Variants in WDFY4 observed in about 807,000 individuals in gnomAD.
WDFY4 encodes WDFY family member 4.
Under a neutral mutation model 351.9 loss-of-function variants are expected in WDFY4, and 169 were observed. The ratio of observed to expected loss-of-function variants is 0.48; its 90% confidence interval spans 0.42 to 0.55. The LOEUF (loss-of-function observed/expected upper bound fraction) is 0.55, where lower values mean the gene tolerates loss of function less well. Ranked by LOEUF, WDFY4 falls within the 20% of genes least tolerant of loss-of-function variation. The probability of loss-of-function intolerance (pLI) is 0.00; values close to 1 mark genes in which losing one functional copy is unlikely to be tolerated. For missense variants in WDFY4, 3,803 were observed against 3,935.6 expected (o/e 0.97, Z 0.90); for synonymous variants, 1,622 against 1,574.6 (o/e 1.03, Z -0.71).
At chr10:48,718,531 A>G (rs1426961269) in intron 2 of WDFY4, among the ~76,000 whole-genome samples, 3 of 152,196 alleles carry the variant, frequency 2.0e-5, no homozygotes, top group Admixed American at 1.3e-4. Flanking sequence ...GGGTGGTGCT[A>G]GGTGGAAGCG....
intron 51 of WDFY4, among the ~76,000 whole-genome samples, chr10:48,952,283 C>T (rs1841364977): frequency 6.6e-6 from 1 of 152,190 alleles, no homozygotes; most frequent in South Asian, 2.1e-4. Context: ...TCCTGGTACC[C>T]TAAGGCTCAC....
chr10:48,702,769 C>G (rs1280688434), intron 1 of WDFY4, among the ~76,000 whole-genome samples: 1 of 150,478 alleles, frequency 6.6e-6, no homozygotes, highest in African/African-American at 2.4e-5. Flanking sequence ...GGGTGGAATT[C>G]CTGGGGGTAT....
At chr10:48,883,063 T>C (rs2070316581) in intron 43 of WDFY4, among the ~76,000 whole-genome samples, 1 of 152,220 alleles carries the variant, frequency 6.6e-6, no homozygotes, top group African/African-American at 2.4e-5. Flanking sequence ...CAGCACCCTG[T>C]CCCTCAGCAG....
intron 60 of WDFY4, 26 bp from the exon 61 acceptor site, chr10:48,981,341 A>G: frequency 6.5e-7 from 1 of 1,549,742 alleles, no homozygotes; most frequent in Non-Finnish European, 8.7e-7. Flanking sequence ...TGGCGTTCTA[A>G]CTCTTCTCTC....
chr10:48,810,081 G>A (rs144205019), intron 28 of WDFY4, among the ~76,000 whole-genome samples: 57 of 152,262 alleles, frequency 3.7e-4, no homozygotes, highest in African/African-American at 9.9e-4. Context: ...TGATAAAAAT[G>A]CATAAATATT....
chr10:48,721,772 T>A (rs1339181827), intron 4 of WDFY4, among the ~76,000 whole-genome samples: 1 of 152,148 alleles, frequency 6.6e-6, no homozygotes, highest in Non-Finnish European at 1.5e-5. Flanking sequence ...ATGAGTCAGA[T>A]CTTGGTGATG....
intron 35 of WDFY4, among the ~76,000 whole-genome samples, chr10:48,825,765 A>T (rs1299893048): frequency 1.3e-5 from 2 of 152,026 alleles, no homozygotes; most frequent in African/African-American, 4.8e-5. Context: ...TCTTTGGAGA[A>T]ATGTCTGTTC....
Position 48,867,271 on chromosome 10 carries a change from G to A in WDFY4, c.6670G>A (p.Val2224Met), listed in dbSNP as rs2069582393. Residue 2224 changes from valine (V) to methionine (M), a missense_variant, in exon 40 of 62, where the codon GTG (valine) becomes ATG (methionine). Transcript: ENST00000325239. ...KDPECKTEDF[V>M]SCIENYRRRG... ...TGTTTTCTCCTTTCTCCAGGATTTT[G>A]TGTCATGTATAGAGAACTACAGAAG... is the stretch of plus-strand genomic sequence containing the variant. The A allele has an allele frequency of 1.4e-6, 2 of 1,402,222 alleles. No homozygotes were observed. Among genetic ancestry groups the A allele is most frequent in the Non-Finnish European group, 1.9e-6 (2 of 1,072,476 alleles). The allele number at this position is 1,402,222 out of a possible 1,614,324, so 86.9% of individuals were successfully genotyped here.
chr10:48,787,793 T>TCCTCCA (rs2066452883), intron 20 of WDFY4, among the ~76,000 whole-genome samples: 1 of 82,178 alleles, frequency 1.2e-5, no homozygotes, highest in African/African-American at 5.2e-5. Context: ...CTCTTCCTCC[T>TCCTCCA]CCTCCTCCTC....
At chr10:48,833,166 T>TGA (rs1410407932) in intron 39 of WDFY4, among the ~76,000 whole-genome samples, 2 of 131,402 alleles carry the variant, frequency 1.5e-5, no homozygotes, top group Non-Finnish European at 3.3e-5. Flanking sequence ...TGTGTGTGTG[T>TGA]GTGTGTGAGA....
chr10:48,893,410 G>A (rs1437090609), intron 44 of WDFY4, among the ~76,000 whole-genome samples: 1 of 152,128 alleles, frequency 6.6e-6, no homozygotes, highest in Non-Finnish European at 1.5e-5. Context: ...CCATGACAAG[G>A]GCATTCAAGC....
chr10:48,956,644 C>T (rs994748849), intron 51 of WDFY4, among the ~76,000 whole-genome samples: 1 of 152,170 alleles, frequency 6.6e-6, no homozygotes, highest in Non-Finnish European at 1.5e-5. Context: ...CTCCAGGAAA[C>T]TTTTGCTGAC....
intron 51 of WDFY4, among the ~76,000 whole-genome samples, chr10:48,947,779 G>A (rs1352376719): frequency 6.6e-6 from 1 of 152,194 alleles, no homozygotes; most frequent in African/African-American, 2.4e-5. Flanking sequence ...CGGGGAGATA[G>A]CCCTCAGATA....
intron 47 of WDFY4, among the ~76,000 whole-genome samples, chr10:48,920,705 A>T (rs1412659000): frequency 6.6e-6 from 1 of 152,210 alleles, no homozygotes; most frequent in East Asian, 1.9e-4. Context: ...GACAGAAAAG[A>T]ATGAAATAAA....
intron 31 of WDFY4, among the ~76,000 whole-genome samples, chr10:48,814,967 A>G (rs770993021): frequency 1.3e-5 from 2 of 152,208 alleles, no homozygotes; most frequent in Non-Finnish European, 2.9e-5. Context: ...AAACATGGTA[A>G]TCATTTGTAT....
At position 48,778,583 on chromosome 10, in the gene WDFY4, C is replaced by T. The variant is rs146083615; in HGVS notation, c.3176-28C>T. 4.5e-4 allele frequency: 697 copies of T among 1,546,018 alleles called. 3 individuals are homozygous for T. The Middle Eastern group carries it at 6.5e-3, about 14-fold the overall frequency. ...CATGCTCAGCAGGGCAGAACAAAGCCTGAGGGCATGCCTGTGTTCCCACCC... is the reference window on the plus strand; with the variant it reads ...CATGCTCAGCAGGGCAGAACAAAGCTTGAGGGCATGCCTGTGTTCCCACCC... On this transcript the variant is annotated intron_variant, in intron 17 of 61. Transcript: ENST00000325239.
chr10:48,957,410 G>A, intron 52 of WDFY4, 128 bp downstream of exon 52: 1 of 1,207,014 alleles, frequency 8.3e-7, no homozygotes, highest in Non-Finnish European at 1.1e-6. Flanking sequence ...TTCGGGTGAG[G>A]TCTCCACTGG....
chr10:48,959,948 A>ACCCCATCCCTTCTC, intron 53 of WDFY4, 135 bp downstream of exon 53: 1 of 799,352 alleles, frequency 1.3e-6, no homozygotes, highest in Non-Finnish European at 2.0e-6. Context: ...CAGAGAAGGG[A>ACCCCATCCCTTCTC]TGGGGTCTAT....
intron 39 of WDFY4, among the ~76,000 whole-genome samples, chr10:48,865,687 G>A (rs2069518109): frequency 6.6e-6 from 1 of 152,086 alleles, no homozygotes; most frequent in South Asian, 2.1e-4. Context: ...AAGCCATCTG[G>A]GCCTGGGCTG....
Sources: gnomAD v4.1 joint callset for allele counts (sites outside exome capture counted in the v4.1 genomes callset) on GRCh38, gnomAD v4.1.1 for gene constraint, MANE v1.5 for transcripts, NCBI Gene and HGNC (gene_info 2026-07-23, HGNC 2026-07-21) for gene names.